Variants in FAM13A observed in about 807,000 individuals in gnomAD.
FAM13A encodes protein FAM13A.
A neutral mutation model predicts 129.6 loss-of-function variants in FAM13A; 76 were observed. That is an observed-to-expected ratio of 0.59 (90% confidence interval 0.49 to 0.71). The LOEUF is 0.71. Ranked by LOEUF, FAM13A falls within the 30% of genes least tolerant of loss-of-function variation. The pLI is 0.00. For synonymous variants in FAM13A, 443 were observed against 449.9 expected, an observed-to-expected ratio of 0.98 and a Z score of 0.20; for missense variants, 1,108 against 1,249.3, an observed-to-expected ratio of 0.89 and a Z score of 1.70.
Position 88,836,835 on chromosome 4 carries a change from T to C in FAM13A, c.1007+14185A>G, listed in dbSNP as rs532034846. 2.1e-4 allele frequency among the ~76,000 whole-genome samples: 32 copies of C among 151,658 alleles called. No homozygotes were observed. In the South Asian group the frequency reaches 6.1e-3, roughly 29 times the overall value. ...ATTAGCCGGGCATGGTGGCGGGTGTTTGTAATCCCAGCTATTTGGGAGGCT... is the reference window on the plus strand; with the variant it reads ...ATTAGCCGGGCATGGTGGCGGGTGTCTGTAATCCCAGCTATTTGGGAGGCT... On this transcript the variant is annotated intron_variant, in intron 7 of 23. Coordinates refer to ENST00000264344, the MANE Select transcript of FAM13A (RefSeq NM_014883.4).
chr4:88,875,086 A>G (rs1203108690), intron 6 of FAM13A, among the ~76,000 whole-genome samples: 2 of 152,242 alleles, frequency 1.3e-5, no homozygotes, highest in African/African-American at 4.8e-5. Context: ...CTGGCTAGCC[A>G]TATGTAGAAA....
At chr4:88,970,494 A>T (rs1384040165) in intron 4 of FAM13A, among the ~76,000 whole-genome samples, 1 of 149,340 alleles carries the variant, frequency 6.7e-6, no homozygotes, top group African/African-American at 2.5e-5. Context: ...AGATATATAG[A>T]TACACTATAT....
chr4:89,035,884 T>C (rs1317320984), intron 1 of FAM13A, among the ~76,000 whole-genome samples: 1 of 152,216 alleles, frequency 6.6e-6, no homozygotes, highest in Admixed American at 6.5e-5. Flanking sequence ...CTTTTAAACA[T>C]CTTTTCTTTA....
chr4:88,830,943 G>T (rs1428416304), intron 7 of FAM13A, among the ~76,000 whole-genome samples: 1 of 149,410 alleles, frequency 6.7e-6, no homozygotes, highest in East Asian at 1.9e-4. Context: ...GTTATTCATG[G>T]TACATGAAGT....
chr4:88,811,331 T>C (rs1380514776), intron 7 of FAM13A, among the ~76,000 whole-genome samples: 1 of 152,146 alleles, frequency 6.6e-6, no homozygotes, highest in East Asian at 1.9e-4. Context: ...AGAGAGACAG[T>C]GAAGGACATC....
chr4:88,774,094 C>A (rs1320101050), intron 11 of FAM13A, among the ~76,000 whole-genome samples: 3 of 152,184 alleles, frequency 2.0e-5, no homozygotes, highest in African/African-American at 7.2e-5. Context: ...GCTCAGCATG[C>A]TGCTCCCTCT....
At chr4:88,907,016 C>T (rs1488817369) in intron 5 of FAM13A, among the ~76,000 whole-genome samples, 8 of 152,188 alleles carry the variant, frequency 5.3e-5, no homozygotes, top group Non-Finnish European at 8.8e-5. Flanking sequence ...TTGGTTCACA[C>T]CAAAAGAACA....
At chr4:88,775,365 G>A (rs772756093) in intron 11 of FAM13A, among the ~76,000 whole-genome samples, 9 of 152,152 alleles carry the variant, frequency 5.9e-5, no homozygotes, top group Non-Finnish European at 1.2e-4. Flanking sequence ...TCGGGTTGGG[G>A]TTGGGGATGG....
At chr4:88,902,801 AAGAG>A (rs1747502703) in intron 6 of FAM13A, among the ~76,000 whole-genome samples, 2 of 152,182 alleles carry the variant, frequency 1.3e-5, no homozygotes, top group African/African-American at 4.8e-5. Context: ...TTCAAATAGC[AAGAG>A]AGAAAGTCAA....
intron 7 of FAM13A, chr4:88,823,108 G>A: frequency 1.3e-6 from 2 of 1,581,320 alleles, no homozygotes; most frequent in South Asian, 1.2e-5. Context: ...GCTGGGTTGG[G>A]GGCATGAGGC....
chr4:88,756,735 CTT>C (rs1326897006), intron 14 of FAM13A, among the ~76,000 whole-genome samples: 3 of 152,020 alleles, frequency 2.0e-5, no homozygotes, highest in African/African-American at 7.3e-5. Context: ...AGTGATCAGA[CTT>C]ATTGCTCTCG....
At position 88,731,772 on chromosome 4, in the gene FAM13A, TAG is replaced by T. The variant is rs1737856722; in HGVS notation, c.2843+228_2843+229del. On this transcript the variant is annotated intron_variant, in intron 22 of 23. Transcript: ENST00000264344. ...ATGTACAGAACCACACGATGCCCTTTAGAGAGAGAACTTCTGGTTGTTTAAAC... is the reference window on the plus strand; with the variant it reads ...ATGTACAGAACCACACGATGCCCTTTAGAGAGAACTTCTGGTTGTTTAAAC... 9 of 529,688 alleles carry T rather than the reference TAG, an allele frequency of 1.7e-5. No homozygotes were observed. The South Asian group carries it at 2.7e-4, about 16-fold the overall frequency. The allele number at this position is 529,688 out of a possible 1,614,324, so 32.8% of individuals were successfully genotyped here.
chr4:88,895,710 C>G (rs1343241206), intron 6 of FAM13A, among the ~76,000 whole-genome samples: 3 of 119,496 alleles, frequency 2.5e-5, no homozygotes, highest in Admixed American at 9.3e-5. Flanking sequence ...CAAATCAAAA[C>G]CACAATGAGA....
chr4:88,823,284 C>A, intron 7 of FAM13A: 3 of 1,241,478 alleles, frequency 2.4e-6, no homozygotes, highest in Non-Finnish European at 3.0e-6. Context: ...AACCACCGGG[C>A]CAATCAGAGC....
intron 1 of FAM13A, among the ~76,000 whole-genome samples, chr4:89,047,449 G>A (rs1358145525): frequency 6.6e-6 from 1 of 152,032 alleles, no homozygotes; most frequent in African/African-American, 2.4e-5. Context: ...TTCCATGATG[G>A]TAGAGTGAAG....
chr4:88,934,670 T>C (rs1364853616), intron 5 of FAM13A, among the ~76,000 whole-genome samples: 1 of 152,162 alleles, frequency 6.6e-6, no homozygotes, highest in Non-Finnish European at 1.5e-5. Context: ...ACCTTTCATT[T>C]TGACAAAATA....
intron 7 of FAM13A, among the ~76,000 whole-genome samples, chr4:88,844,246 T>C (rs1036403168): frequency 1.3e-5 from 2 of 152,158 alleles, no homozygotes; most frequent in African/African-American, 4.8e-5. Context: ...ACACATACTT[T>C]TTATGTGGGA....
chr4:88,739,258 AATTT>A, intron 19 of FAM13A, 133 bp from the exon 20 acceptor site: 1 of 640,792 alleles, frequency 1.6e-6, no homozygotes, highest in South Asian at 1.9e-5. Context: ...ACCCTCACAG[AATTT>A]ATTTAAACTG....
chr4:88,965,137 T>C (rs952332290), intron 4 of FAM13A, among the ~76,000 whole-genome samples: 1 of 152,154 alleles, frequency 6.6e-6, no homozygotes, highest in African/African-American at 2.4e-5. Flanking sequence ...AATGGTACAA[T>C]TTGAGCAGCT....
Sources: gnomAD v4.1 joint callset for allele counts (sites outside exome capture counted in the v4.1 genomes callset) on GRCh38, gnomAD v4.1.1 for gene constraint, MANE v1.5 for transcripts, NCBI Gene and HGNC (gene_info 2026-07-23, HGNC 2026-07-21) for gene names.